Variants in ANKRD11 observed in about 807,000 individuals in gnomAD.
ANKRD11 encodes the protein ankyrin repeat domain-containing protein 11.
In ANKRD11, 17 loss-of-function variants were observed where a neutral mutation model predicts 195.7. That is an observed-to-expected ratio of 0.09 (90% CI 0.06 to 0.13). The LOEUF (loss-of-function observed/expected upper bound fraction) is 0.13, where lower values mean the gene tolerates loss of function less well. Ranked by LOEUF, ANKRD11 falls within the 10% of genes least tolerant of loss-of-function variation. ANKRD11 has a pLI of 1.00. For missense variants in ANKRD11, 3,735 were observed against 3,566.1 expected (o/e 1.05, Z -1.21); for synonymous variants, 1,953 against 1,528.1 (o/e 1.28, Z -6.49).
In ANKRD11 at chr16:89,281,604, G is replaced by T; in HGVS notation, c.4938C>A (p.Asp1646Glu). 1 of 1,614,102 alleles carries T rather than the reference G, an allele frequency of 6.2e-7. No homozygotes were observed. The highest frequency in any genetic ancestry group is 8.5e-7 in the Non-Finnish European group (1 of 1,180,002). The stretch of plus-strand genomic sequence containing the variant: ...TGAGCTTTTTGTCTTTAAATGGAGG[G>T]TCCAGCCCCGGCGGTTTCTTAGCAG... ...DIPAKKPPGL[D>E]PPFKDKKLKE... Residue 1646 changes from aspartate (D) to glutamate (E), a missense_variant, in exon 9 of 13, where the codon GAC becomes GAA. Coordinates refer to ENST00000301030, the MANE Select transcript of ANKRD11 (RefSeq NM_013275.6). This position sits in a 1 kb window ranked among gnomAD's most constrained non-coding sequence, Gnocchi z 5.5.
At chr16:89,416,579 T>C (rs2152226995) in intron 2 of ANKRD11, among the ~76,000 whole-genome samples, 1 of 152,068 alleles carries the variant, frequency 6.6e-6, no homozygotes, top group Admixed American at 6.5e-5. Flanking sequence ...ATTACAGGCG[T>C]GAGCCACTGT....
intron 7 of ANKRD11, chr16:89,286,638 G>T: frequency 8.2e-7 from 1 of 1,216,422 alleles, no homozygotes; most frequent in Non-Finnish European, 1.0e-6. Context: ...TGGGGGGACA[G>T]AATAGAGGAA....
At chr16:89,324,607 C>G (rs562566285) in intron 2 of ANKRD11, 1 of 435,320 alleles carries the variant, frequency 2.3e-6, no homozygotes, top group Non-Finnish European at 4.6e-6. Flanking sequence ...GCCAGCACGG[C>G]AGATCTGCGG....
At chr16:89,338,149 G>A (rs530843222) in intron 2 of ANKRD11, among the ~76,000 whole-genome samples, 13 of 152,278 alleles carry the variant, frequency 8.5e-5, no homozygotes, top group Admixed American at 6.5e-4. Context: ...ACTGCCCCAA[G>A]CACCCAGCTT....
intron 3 of ANKRD11, among the ~76,000 whole-genome samples, chr16:89,306,487 GCCACCTCCCACTCCGCAGACACGCGCCAC>G (rs2036254800): frequency 1.4e-5 from 1 of 72,416 alleles, no homozygotes; most frequent in East Asian, 5.2e-4. Flanking sequence ...GCAGACACGC[GCCACCTCCCACTCCGCAGACACGCGCCAC>G]CCACCTCCCA....
intron 2 of ANKRD11, among the ~76,000 whole-genome samples, chr16:89,369,258 G>C (rs1052619398): frequency 6.6e-6 from 1 of 152,226 alleles, no homozygotes; most frequent in Admixed American, 6.5e-5. Flanking sequence ...CCTACACCTA[G>C]GTACGCCCGA....
intron 4 of ANKRD11, chr16:89,300,857 G>C (rs1326847730): frequency 1.0e-5 from 7 of 701,958 alleles, no homozygotes; most frequent in Non-Finnish European, 1.0e-5. Context: ...TTTTCCCCTT[G>C]TTCCAAAGAA....
In ANKRD11 at chr16:89,285,439, T is replaced by C. The variant is rs2034583698; in HGVS notation, c.1103A>G (p.Lys368Arg). 6.2e-7 allele frequency: 1 copy of C among 1,614,114 alleles called. No homozygotes were observed. The highest frequency in any genetic ancestry group is 2.2e-5 in the East Asian group (1 of 44,896). The change falls in exon 9 of 13, where the codon AAA becomes AGA. Residue 368 changes from lysine to arginine, a missense_variant. Physicochemically the swap from Lys to Arg is conservative, Grantham distance 26. Transcript: ENST00000301030. This position sits in a 1 kb window ranked among gnomAD's most constrained non-coding sequence, Gnocchi z 5.6. ...VPPVDDKHLL[K>R]KDYRKETKSN... ...TTTCGTTTCTTTTCTGTAGTCCTTT[T>C]TCAATAGGTGCTTGTCGTCCACCGG...
intron 2 of ANKRD11, among the ~76,000 whole-genome samples, chr16:89,352,799 T>A (rs2152034635): frequency 6.6e-6 from 1 of 152,328 alleles, no homozygotes; most frequent in Non-Finnish European, 1.5e-5. Flanking sequence ...GCTGCTGCCC[T>A]CCTTCAAGAT....
intron 1 of ANKRD11, chr16:89,489,234 C>A (rs2057725100): frequency 1.3e-5 from 2 of 150,852 alleles, no homozygotes; most frequent in Admixed American, 1.3e-4. Context: ...CACGCGCGCG[C>A]GCGCGCGCGC....
At position 89,285,443 on chromosome 16, in the gene ANKRD11, A is replaced by C; in HGVS notation, c.1099T>G (p.Leu367Val). The C allele has an allele frequency of 6.2e-7, 1 of 1,613,962 alleles. No homozygotes were observed. Reference protein sequence around the residue: ...RVPPVDDKHLLKKDYRKETKS... With the variant: ...RVPPVDDKHLVKKDYRKETKS... ...GTTTCTTTTCTGTAGTCCTTTTTCA[A>C]TAGGTGCTTGTCGTCCACCGGAGGA... Residue 367 changes from leucine (L) to valine (V), a missense_variant, in exon 9 of 13, where the codon TTG becomes GTG. Coordinates refer to ENST00000301030, the MANE Select transcript of ANKRD11 (RefSeq NM_013275.6). The surrounding 1 kb of genome is among the most constrained non-coding windows in gnomAD (Gnocchi z 5.6).
intron 3 of ANKRD11, among the ~76,000 whole-genome samples, chr16:89,315,853 C>CT (rs1356132963): frequency 1.3e-5 from 2 of 152,172 alleles, no homozygotes; most frequent in African/African-American, 2.4e-5. Context: ...TGTGGAACCC[C>CT]TGCTGAGCTC....
At chr16:89,464,237 T>C (rs1300731480) in intron 1 of ANKRD11, among the ~76,000 whole-genome samples, 1 of 149,332 alleles carries the variant, frequency 6.7e-6, no homozygotes, top group African/African-American at 2.5e-5. Context: ...AGACTCCATC[T>C]CAAAAGAAAA....
chr16:89,317,671 T>C (rs1597609959), intron 2 of ANKRD11, among the ~76,000 whole-genome samples: 1 of 152,288 alleles, frequency 6.6e-6, no homozygotes, highest in East Asian at 1.9e-4. Context: ...TCCACGCCCA[T>C]GGAAGCAGAC....
chr16:89,344,335 G>A (rs912890262), intron 2 of ANKRD11, among the ~76,000 whole-genome samples: 1 of 152,160 alleles, frequency 6.6e-6, no homozygotes, highest in Non-Finnish European at 1.5e-5. Context: ...AAAGAGACAG[G>A]AGCTGCAACC....
rs749297010 is a variant in ANKRD11, at chr16:89,283,110, C to T, written c.3432G>A (p.Pro1144=). The change falls in exon 9 of 13, where the codon CCG becomes CCA. Residue 1144 remains proline (P), a synonymous_variant. Transcript: ENST00000301030. The surrounding 1 kb of genome is among the most constrained non-coding windows in gnomAD (Gnocchi z 4.3). ...CCTTCTCCTGGAGGCCGTCCGTCCT[C>T]GGCAAGTCGCTGGCCTCTCCCATCT... The part of the protein sequence containing the change: ...GFKMGEASDL[P]RTDGLQEKEE... 5.0e-5 allele frequency: 80 copies of T among 1,613,976 alleles called. No individual in the cohort carries two copies. The South Asian group carries it at 7.7e-4, about 16-fold the overall frequency.
intron 2 of ANKRD11, among the ~76,000 whole-genome samples, chr16:89,387,443 C>T (rs755833478): frequency 2.0e-5 from 3 of 151,668 alleles, no homozygotes; most frequent in Non-Finnish European, 4.4e-5. Context: ...GAGGCTGAGG[C>T]GGGCAGATCA....
At chr16:89,424,008 C>T (rs887318620) in intron 1 of ANKRD11, among the ~76,000 whole-genome samples, 4 of 151,972 alleles carry the variant, frequency 2.6e-5, no homozygotes, top group African/African-American at 9.7e-5. Context: ...GAAACTCAGG[C>T]GACCTCCGGG....
intron 1 of ANKRD11, among the ~76,000 whole-genome samples, chr16:89,465,907 T>C (rs574152242): frequency 6.6e-6 from 1 of 152,192 alleles, no homozygotes; most frequent in Non-Finnish European, 1.5e-5. Flanking sequence ...AGATGGGGTT[T>C]CACCGTGTTA....
Sources: allele counts gnomAD v4.1 joint callset (sites outside exome capture counted in the v4.1 genomes callset), GRCh38; gene constraint gnomAD v4.1.1; non-coding constraint Gnocchi (gnomAD v3.1); transcripts MANE v1.5; gene names NCBI Gene and HGNC (gene_info 2026-07-23, HGNC 2026-07-21).